The following MARCHF1 variants were observed in gnomAD, a reference collection of about 807,000 sequenced individuals.
The protein encoded by MARCHF1 is membrane associated ring-CH-type finger 1, also known as E3 ubiquitin-protein ligase MARCHF1.
Under a neutral mutation model 54.2 loss-of-function variants are expected in MARCHF1, and 40 were observed. That is an observed-to-expected ratio of 0.74 (90% CI 0.57 to 0.96). The LOEUF (loss-of-function observed/expected upper bound fraction) is 0.96, where lower values mean the gene tolerates loss of function less well. Among genes scored for constraint, MARCHF1 ranks in the 40% least tolerant of loss-of-function variants. MARCHF1 has a pLI of 0.00. For missense variants in MARCHF1, 586 were observed against 656.5 expected (o/e 0.89, Z 1.17); for synonymous variants, 236 against 236.3 (o/e 1.00, Z 0.01).
At chr4:163,993,834 G>T (rs1319732581) in intron 2 of MARCHF1, among the ~76,000 whole-genome samples, 35 of 152,008 alleles carry the variant, frequency 2.3e-4, no homozygotes, top group Admixed American at 2.2e-3. Context: ...TCTAAGGAAG[G>T]TACAGGGGTA....
chr4:164,166,925 A>C (rs895158269), intron 1 of MARCHF1, among the ~76,000 whole-genome samples: 20 of 151,482 alleles, frequency 1.3e-4, no homozygotes, highest in Non-Finnish European at 3.0e-4. Flanking sequence ...AAATTTAGTC[A>C]AAAATGTGAA....
chr4:163,708,922 C>A (rs568576147), intron 4 of MARCHF1, among the ~76,000 whole-genome samples: 1 of 152,086 alleles, frequency 6.6e-6, no homozygotes, highest in African/African-American at 2.4e-5. Context: ...AATTATAATG[C>A]AAATATGAGG....
chr4:164,000,179 T>C (rs1753159223), intron 2 of MARCHF1, among the ~76,000 whole-genome samples: 1 of 151,718 alleles, frequency 6.6e-6, no homozygotes, highest in Non-Finnish European at 1.5e-5. Context: ...TCTATACTAC[T>C]TGGCCATTTT....
At chr4:163,793,309 C>T (rs762500132) in intron 4 of MARCHF1, among the ~76,000 whole-genome samples, 1 of 152,088 alleles carries the variant, frequency 6.6e-6, no homozygotes, top group Non-Finnish European at 1.5e-5. Flanking sequence ...CTCGGCGTTA[C>T]TAGCATTGGT....
At chr4:164,114,105 T>A (rs1005446465) in intron 1 of MARCHF1, among the ~76,000 whole-genome samples, 2 of 151,948 alleles carry the variant, frequency 1.3e-5, no homozygotes, top group African/African-American at 4.8e-5. Flanking sequence ...ATAACATATA[T>A]GATAACCTGT....
intron 1 of MARCHF1, among the ~76,000 whole-genome samples, chr4:164,317,975 A>T (rs1201096163): frequency 1.3e-5 from 2 of 152,102 alleles, no homozygotes; most frequent in Non-Finnish European, 2.9e-5. Flanking sequence ...GATTTTCAGG[A>T]TTTGGTAACC....
intron 2 of MARCHF1, among the ~76,000 whole-genome samples, chr4:164,067,468 A>G (rs116676330): frequency 0.028 from 4,228 of 152,312 alleles, 178 homozygotes; most frequent in African/African-American, 0.096. Flanking sequence ...GCCAACAAAA[A>G]CAAGCAATGA....
intron 7 of MARCHF1, among the ~76,000 whole-genome samples, chr4:163,595,560 T>C (rs72683412): frequency 0.047 from 7,190 of 152,208 alleles, 250 homozygotes; most frequent in Middle Eastern, 0.11. Flanking sequence ...TATTCAGCCT[T>C]AAATAAAGAA....
At chr4:163,591,552 A>C (rs893897164) in intron 7 of MARCHF1, among the ~76,000 whole-genome samples, 2 of 152,120 alleles carry the variant, frequency 1.3e-5, no homozygotes, top group Non-Finnish European at 2.9e-5. Context: ...ATTTGTATTG[A>C]TATTCAGAGT....
intron 2 of MARCHF1, among the ~76,000 whole-genome samples, chr4:163,990,988 T>G (rs1181646104): frequency 6.6e-6 from 1 of 152,214 alleles, no homozygotes; most frequent in Non-Finnish European, 1.5e-5. Context: ...TTTACCTCAT[T>G]ATGCATATGA....
At chr4:163,954,519 T>C (rs1305377109) in intron 3 of MARCHF1, among the ~76,000 whole-genome samples, 1 of 152,204 alleles carries the variant, frequency 6.6e-6, no homozygotes, top group Non-Finnish European at 1.5e-5. Flanking sequence ...AGATGCATAA[T>C]TGTATGCAAT....
intron 7 of MARCHF1, 53 bp downstream of exon 7, chr4:163,612,218 T>G (rs530023416): frequency 1.4e-6 from 2 of 1,406,664 alleles, no homozygotes; most frequent in Admixed American, 3.1e-5. Context: ...CCTAACTCAC[T>G]GCAAAAAGAA....
chr4:164,189,048 C>G, intron 1 of MARCHF1: 1 of 689,502 alleles, frequency 1.5e-6, no homozygotes, highest in Non-Finnish European at 2.6e-6. Flanking sequence ...TGTTGTTCCA[C>G]CTGGGTGGCA....
rs555215505 is a variant in MARCHF1, at chr4:164,371,983, G to A, written c.-323+11887C>T. Among the ~76,000 whole-genome samples, 158 of 152,296 alleles carry A rather than the reference G, an allele frequency of 1.0e-3. 1 individual carries two copies. The highest frequency in any genetic ancestry group is 1.9e-3 in the Non-Finnish European group (127 of 68,020). ...ATTTTAAAGCCTCCTCCTGCAGGCT[G>A]TGCCAGGAGGATCACTTGAGCCAGG... On this transcript the variant is annotated intron_variant, in intron 1 of 9. Coordinates refer to ENST00000514618, the MANE Select transcript of MARCHF1 (RefSeq NM_001394959.1).
intron 3 of MARCHF1, among the ~76,000 whole-genome samples, chr4:163,987,609 C>T (rs1227091566): frequency 6.6e-6 from 1 of 152,088 alleles, no homozygotes; most frequent in Non-Finnish European, 1.5e-5. Flanking sequence ...GTAGACAAAG[C>T]CCATCTCCTA....
At chr4:163,533,680 A>AATGT (rs1738435399) in intron 9 of MARCHF1, among the ~76,000 whole-genome samples, 1 of 144,134 alleles carries the variant, frequency 6.9e-6, no homozygotes, top group African/African-American at 2.5e-5. Flanking sequence ...TTTTATATAT[A>AATGT]ATATATATAT....
intron 4 of MARCHF1, among the ~76,000 whole-genome samples, chr4:163,717,224 C>T (rs529173161): frequency 6.8e-6 from 1 of 146,556 alleles, no homozygotes; most frequent in African/African-American, 2.5e-5. Context: ...TCAATTCCCA[C>T]CTATGAGTGA....
At chr4:164,242,880 A>C (rs563548215) in intron 1 of MARCHF1, among the ~76,000 whole-genome samples, 8 of 149,304 alleles carry the variant, frequency 5.4e-5, no homozygotes, top group Middle Eastern at 3.4e-3. Context: ...GGGTATCAGC[A>C]ATGGAAGATG....
At chr4:164,263,851 G>A (rs1733534009) in intron 1 of MARCHF1, among the ~76,000 whole-genome samples, 1 of 152,122 alleles carries the variant, frequency 6.6e-6, no homozygotes, top group African/African-American at 2.4e-5. Context: ...AATAACCGAT[G>A]CTAGTGAGGT....
Sources: gnomAD v4.1 joint callset for allele counts (sites outside exome capture counted in the v4.1 genomes callset) on GRCh38, gnomAD v4.1.1 for gene constraint, MANE v1.5 for transcripts, NCBI Gene and HGNC (gene_info 2026-07-23, HGNC 2026-07-21) for gene names.